Variants in C8A observed in about 807,000 individuals in gnomAD.
The protein encoded by C8A is complement C8 alpha chain.
In C8A, 67 loss-of-function variants were observed where a neutral mutation model predicts 65.3. The observed-to-expected ratio is 1.03, with a 90% CI of 0.84 to 1.26. The LOEUF (loss-of-function observed/expected upper bound fraction) is 1.26, where lower values mean the gene tolerates loss of function less well. Among genes scored for constraint, C8A ranks in the 50% most tolerant of loss-of-function variants. C8A has a pLI of 0.00. For synonymous variants in C8A, 290 were observed against 259.4 expected (o/e 1.12, Z -1.13); for missense variants, 781 against 723.9 (o/e 1.08, Z -0.90).
chr1:56,898,066 T>A (rs1557711337), intron 7 of C8A, among the ~76,000 whole-genome samples: 1 of 152,134 alleles, frequency 6.6e-6, no homozygotes, highest in Non-Finnish European at 1.5e-5. Context: ...AGTAGAAGTT[T>A]ACCTGGAAGA....
intron 7 of C8A, among the ~76,000 whole-genome samples, chr1:56,899,681 T>A (rs1406732527): frequency 1.3e-5 from 2 of 152,168 alleles, no homozygotes; most frequent in African/African-American, 4.8e-5. Context: ...TTTTTCTAAC[T>A]TTTCAGATTC....
At chr1:56,881,784 T>G in intron 5 of C8A, 150 bp downstream of exon 5, 1 of 754,554 alleles carries the variant, frequency 1.3e-6, no homozygotes, top group Non-Finnish European at 2.3e-6. Flanking sequence ...TCCCCACACA[T>G]GCTTAGTGTC....
intron 7 of C8A, among the ~76,000 whole-genome samples, chr1:56,889,283 A>G (rs560497244): frequency 1.3e-5 from 2 of 152,296 alleles, no homozygotes; most frequent in South Asian, 4.1e-4. Context: ...CCGCTAATAA[A>G]TCAGAATGTC....
At chr1:56,910,576 C>T (rs557567740) in intron 9 of C8A, among the ~76,000 whole-genome samples, 78 of 152,208 alleles carry the variant, frequency 5.1e-4, no homozygotes, top group Non-Finnish European at 9.1e-4. Context: ...AACTAACAGT[C>T]ATCTTTGAGA....
chr1:56,908,233 C>T, intron 9 of C8A, 120 bp downstream of exon 9: 1 of 1,160,660 alleles, frequency 8.6e-7, no homozygotes, highest in Non-Finnish European at 1.3e-6. Context: ...TGTAATGGCA[C>T]ACTGAACTAG....
At chr1:56,893,099 A>T (rs1429554476) in intron 7 of C8A, among the ~76,000 whole-genome samples, 1 of 152,014 alleles carries the variant, frequency 6.6e-6, no homozygotes, top group Non-Finnish European at 1.5e-5. Flanking sequence ...TTTCCCTGAG[A>T]TATCTTTTTT....
At chr1:56,908,224 G>A in intron 9 of C8A, 111 bp downstream of exon 9, 8 of 1,254,500 alleles carry the variant, frequency 6.4e-6, no homozygotes, top group Non-Finnish European at 9.2e-6. Context: ...AAGATTAAAT[G>A]TAATGGCACA....
intron 4 of C8A, among the ~76,000 whole-genome samples, chr1:56,876,620 C>A (rs1185801156): frequency 2.0e-5 from 3 of 151,942 alleles, no homozygotes; most frequent in African/African-American, 7.3e-5. Context: ...ATAACCAGGG[C>A]TAATGGTGTG....
intron 6 of C8A, among the ~76,000 whole-genome samples, chr1:56,884,610 G>A (rs185690413): frequency 6.6e-6 from 1 of 152,266 alleles, no homozygotes; most frequent in African/African-American, 2.4e-5. Context: ...GTTATCTGTA[G>A]CGTGTTAATA....
At chr1:56,914,627 A>G (rs1001500061) in intron 10 of C8A, among the ~76,000 whole-genome samples, 4 of 152,106 alleles carry the variant, frequency 2.6e-5, no homozygotes, top group Non-Finnish European at 4.4e-5. Context: ...AGGAGGCAGG[A>G]TAGCATAGCT....
intron 10 of C8A, among the ~76,000 whole-genome samples, chr1:56,913,353 A>G (rs1031909571): frequency 4.6e-5 from 7 of 152,272 alleles, no homozygotes; most frequent in Admixed American, 3.3e-4. Context: ...GGTAGTTGTC[A>G]TTATAGTGTA....
At chr1:56,896,589 C>T (rs568941216) in intron 7 of C8A, among the ~76,000 whole-genome samples, 1 of 152,276 alleles carries the variant, frequency 6.6e-6, no homozygotes, top group African/African-American at 2.4e-5. Context: ...TTAGAAAGGG[C>T]AGTTTACTTT....
intron 5 of C8A, among the ~76,000 whole-genome samples, chr1:56,882,464 G>A (rs1644255594): frequency 6.6e-6 from 1 of 152,128 alleles, no homozygotes; most frequent in Non-Finnish European, 1.5e-5. Flanking sequence ...ACTGCAGTTG[G>A]TGGCAAAGAC....
chr1:56,909,853 G>A (rs1369284931), intron 9 of C8A, among the ~76,000 whole-genome samples: 1 of 152,210 alleles, frequency 6.6e-6, no homozygotes, highest in Non-Finnish European at 1.5e-5. Flanking sequence ...TGAAGAAACA[G>A]GTTCAGCACA....
intron 10 of C8A, among the ~76,000 whole-genome samples, chr1:56,914,661 T>G (rs1476107267): frequency 6.6e-6 from 1 of 151,800 alleles, no homozygotes; most frequent in Non-Finnish European, 1.5e-5. Context: ...GATCTTTAGT[T>G]TTTTGTTTTT....
intron 7 of C8A, among the ~76,000 whole-genome samples, chr1:56,895,570 A>G (rs1644381825): frequency 6.6e-6 from 1 of 152,202 alleles, no homozygotes. Flanking sequence ...TCAGTGGGTC[A>G]TGATCAGCAT....
chr1:56,897,937 A>G (rs1448557033), intron 7 of C8A, among the ~76,000 whole-genome samples: 1 of 152,220 alleles, frequency 6.6e-6, no homozygotes, highest in Non-Finnish European at 1.5e-5. Context: ...ATAATGTGAT[A>G]AATGTTTAAA....
At chr1:56,860,141 G>A (rs1392186984) in intron 1 of C8A, among the ~76,000 whole-genome samples, 4 of 152,164 alleles carry the variant, frequency 2.6e-5, no homozygotes, top group Non-Finnish European at 5.9e-5. Flanking sequence ...GGATATCAGA[G>A]CAATCTAAAG....
intron 2 of C8A, 128 bp from the exon 3 acceptor site, chr1:56,874,819 GAC>G (rs1644181992): frequency 9.7e-7 from 1 of 1,030,378 alleles, no homozygotes; most frequent in Non-Finnish European, 1.5e-6. Context: ...TCCCTCAAAA[GAC>G]AGCTTCACAG....
Sources: allele counts gnomAD v4.1 joint callset (sites outside exome capture counted in the v4.1 genomes callset), GRCh38; gene constraint gnomAD v4.1.1; transcripts MANE v1.5; gene names NCBI Gene and HGNC (gene_info 2026-07-23, HGNC 2026-07-21).